The following CENPQ variants were observed in gnomAD, a reference collection of about 807,000 sequenced individuals.
CENPQ encodes the protein centromere protein Q.
CENPQ carries 27 observed loss-of-function variants against 36.6 expected under a neutral mutation model. The observed-to-expected ratio is 0.74, with a 90% confidence interval of 0.54 to 1.02. CENPQ has a LOEUF of 1.02. Among genes scored for constraint, CENPQ ranks in the 50% least tolerant of loss-of-function variants. The pLI is 0.00. For missense variants in CENPQ, 306 were observed against 301.8 expected (o/e 1.01, Z -0.10); for synonymous variants, 101 against 101.7 (o/e 0.99, Z 0.04).
At chr6:49,464,884 C>T (rs1433811985) in intron 1 of CENPQ, among the ~76,000 whole-genome samples, 1 of 152,286 alleles carries the variant, frequency 6.6e-6, no homozygotes, top group African/African-American at 2.4e-5. Context: ...CAACTTTTTC[C>T]AGACTCCTGT....
chr6:49,469,207 T>G (rs959442449), intron 1 of CENPQ, among the ~76,000 whole-genome samples: 2 of 152,204 alleles, frequency 1.3e-5, no homozygotes, highest in Non-Finnish European at 2.9e-5. Context: ...TCATTGTCTT[T>G]CTCTAAATCT....
At chr6:49,464,036 T>G (rs996438716) in intron 1 of CENPQ, among the ~76,000 whole-genome samples, 2 of 152,084 alleles carry the variant, frequency 1.3e-5, no homozygotes, top group Non-Finnish European at 2.9e-5. Flanking sequence ...GCCGTCCGAG[T>G]TTTACTGTTT....
At chr6:49,479,079 C>G (rs1310209891) in intron 5 of CENPQ, among the ~76,000 whole-genome samples, 1 of 152,058 alleles carries the variant, frequency 6.6e-6, no homozygotes, top group East Asian at 1.9e-4. Context: ...AAAGCTTAGG[C>G]AGATAGTTTG....
intron 5 of CENPQ, among the ~76,000 whole-genome samples, chr6:49,477,578 A>G (rs1465328932): frequency 6.6e-6 from 1 of 152,072 alleles, no homozygotes; most frequent in Non-Finnish European, 1.5e-5. Flanking sequence ...AAAAAAAAAA[A>G]AAGAAAATGT....
At position 49,492,200 on chromosome 6, in the gene CENPQ, T is replaced by A. The variant is rs1169053609; in HGVS notation, c.732T>A (p.Ile244=). ...ATGCTCTTCTAAAGGACTTGGATAT[T>A]CTTCATAATTCATCACAGATGAAGA... ...NQNALLKDLD[I]LHNSSQMKSM... is the part of the protein sequence containing the mutation. The change falls in exon 9 of 9, where the codon ATT becomes ATA. Residue 244 remains isoleucine, a synonymous_variant. Transcript: ENST00000335783. 1.2e-6 allele frequency: 2 copies of A among 1,608,742 alleles called. No individual in the cohort carries two copies. Among genetic ancestry groups the A allele is most frequent in the Admixed American group, 3.4e-5 (2 of 59,442 alleles).
chr6:49,477,421 G>C (rs1408317805), intron 5 of CENPQ, among the ~76,000 whole-genome samples: 2 of 132,690 alleles, frequency 1.5e-5, no homozygotes, highest in African/African-American at 5.5e-5. Flanking sequence ...GGCCTGTCAT[G>C]GGGTGGGGGG....
intron 1 of CENPQ, among the ~76,000 whole-genome samples, chr6:49,467,383 G>A (rs1273486786): frequency 2.0e-5 from 3 of 152,202 alleles, no homozygotes; most frequent in Non-Finnish European, 4.4e-5. Context: ...GTACCAGTTT[G>A]GTGTGTGATG....
At chr6:49,482,780 A>C (rs911511784) in intron 6 of CENPQ, among the ~76,000 whole-genome samples, 3 of 151,992 alleles carry the variant, frequency 2.0e-5, no homozygotes, top group African/African-American at 7.3e-5. Flanking sequence ...TGACTTCAAG[A>C]ATGAAGCCAC....
At chr6:49,483,757 G>A (rs1768511094) in intron 6 of CENPQ, among the ~76,000 whole-genome samples, 1 of 152,244 alleles carries the variant, frequency 6.6e-6, no homozygotes, top group South Asian at 2.1e-4. Flanking sequence ...CAGCTGACCT[G>A]CAAGCACCGG....
At chr6:49,471,756 T>G (rs543139379) in intron 3 of CENPQ, among the ~76,000 whole-genome samples, 1 of 152,294 alleles carries the variant, frequency 6.6e-6, no homozygotes, top group Non-Finnish European at 1.5e-5. Flanking sequence ...CTCAATGAAA[T>G]GTTTAAAGAA....
chr6:49,486,250 T>C (rs570969261), intron 6 of CENPQ, among the ~76,000 whole-genome samples: 138 of 152,348 alleles, frequency 9.1e-4, no homozygotes, highest in Middle Eastern at 3.4e-3. Context: ...TTCAGAGGGA[T>C]TGTGGCCCTG....
chr6:49,468,465 G>A (rs964003821), intron 1 of CENPQ, among the ~76,000 whole-genome samples: 1 of 151,958 alleles, frequency 6.6e-6, no homozygotes, highest in Admixed American at 6.6e-5. Context: ...GTGGTGGGGG[G>A]TGCCTGTAGT....
chr6:49,481,312 G>A (rs918898911), intron 6 of CENPQ, among the ~76,000 whole-genome samples: 5 of 152,064 alleles, frequency 3.3e-5, no homozygotes, highest in African/African-American at 9.7e-5. Context: ...TAGTGTGTCC[G>A]GAATTGGTGG....
chr6:49,482,004 G>A lies in CENPQ; in HGVS notation c.477+924G>A, dbSNP rs192511576. Among the ~76,000 whole-genome samples the A allele has an allele frequency of 3.0e-3, 451 of 152,262 alleles. 1 individual carries two copies. The highest frequency in any genetic ancestry group is 7.0e-3 in the African/African-American group (289 of 41,568). On this transcript the variant is annotated intron_variant, in intron 6 of 8. Coordinates refer to ENST00000335783, the MANE Select transcript of CENPQ (RefSeq NM_018132.4). ...GCTAAGGCCCGGCGACAAATTGAGC[G>A]CAGGGCCGGTGGGCCGGCACTGCTG...
rs1016040486 is a variant in CENPQ, at chr6:49,492,845, T to C, written c.*570T>C. ...TCAAAATTTTACTTCTTTGGTTGTT[T>C]AGTGAATTAATGTTGAATATTTTCT... On this transcript the variant is annotated 3_prime_UTR_variant, in exon 9 of 9. Transcript: ENST00000335783. 3.9e-5 allele frequency: 6 copies of C among 152,590 alleles called. No individual in the cohort carries two copies. The highest frequency in any genetic ancestry group is 1.4e-4 in the African/African-American group (6 of 41,438). The allele number at this position is 152,590 out of a possible 1,614,324, so 9.5% of individuals were successfully genotyped here.
In CENPQ at chr6:49,488,413, A is replaced by G. The variant is rs1486920873; in HGVS notation, c.539A>G (p.Lys180Arg). The G allele has an allele frequency of 6.2e-7, 1 of 1,612,802 alleles. No individual in the cohort carries two copies. ...ELMTGNIQSL[K>R]NKIQILASEV... ...ATGACTGGGAATATTCAGAGCCTAA[A>G]GAACAAAATTCAGATTCTGGCAAGT... The change falls in exon 7 of 9, where the codon AAG becomes AGG. Residue 180 changes from lysine (K) to arginine (R), a missense_variant. Coordinates refer to ENST00000335783, the MANE Select transcript of CENPQ (RefSeq NM_018132.4).
At chr6:49,479,048 A>G (rs1313961028) in intron 5 of CENPQ, among the ~76,000 whole-genome samples, 1 of 152,186 alleles carries the variant, frequency 6.6e-6, no homozygotes, top group Non-Finnish European at 1.5e-5. Context: ...TTAAGAAAAT[A>G]AAAAACTTAT....
chr6:49,473,002 T>G, intron 5 of CENPQ, 144 bp downstream of exon 5: 1 of 543,998 alleles, frequency 1.8e-6, no homozygotes, highest in Non-Finnish European at 2.7e-6. Context: ...TGTTTTCTCT[T>G]TTTTCTAAAC....
At chr6:49,474,184 G>C (rs1483772620) in intron 5 of CENPQ, among the ~76,000 whole-genome samples, 3 of 152,128 alleles carry the variant, frequency 2.0e-5, no homozygotes, top group Non-Finnish European at 2.9e-5. Context: ...GACATCTAAA[G>C]AACTCTCCAC....
Sources: allele counts gnomAD v4.1 joint callset (sites outside exome capture counted in the v4.1 genomes callset), GRCh38; gene constraint gnomAD v4.1.1; transcripts MANE v1.5; gene names NCBI Gene and HGNC (gene_info 2026-07-23, HGNC 2026-07-21).